CA10: variants seen among roughly 807,000 people sequenced by gnomAD.
CA10 encodes the protein carbonic anhydrase-related protein 10.
A neutral mutation model predicts 44.2 loss-of-function variants in CA10; 14 were observed. That is an observed-to-expected ratio of 0.32 (90% CI 0.21 to 0.50). The LOEUF (loss-of-function observed/expected upper bound fraction) is 0.50, where lower values mean the gene tolerates loss of function less well. CA10 is among the 20% of genes least tolerant of loss of function. CA10 has a pLI of 0.99. For synonymous variants in CA10, 159 were observed against 141.6 expected (o/e 1.12, Z -0.87); for missense variants, 350 against 409.7 (o/e 0.85, Z 1.26).
At chr17:51,741,656 C>T (rs1003290) in intron 4 of CA10, among the ~76,000 whole-genome samples, 103,561 of 152,104 alleles carry the variant, frequency 0.68, 35,402 homozygotes, top group Admixed American at 0.76. Context: ...CACTTAAGCA[C>T]TGACTGTATG....
At chr17:51,782,847 G>A (rs1442719861) in intron 3 of CA10, among the ~76,000 whole-genome samples, 3 of 152,176 alleles carry the variant, frequency 2.0e-5, no homozygotes, top group Admixed American at 1.3e-4. Context: ...CCCAGCAGTG[G>A]TAGAGCAGTG....
intron 1 of CA10, among the ~76,000 whole-genome samples, chr17:52,144,025 G>A (rs1989534782): frequency 6.6e-6 from 1 of 152,130 alleles, no homozygotes. Context: ...CTCAGGAATA[G>A]CTCAGCATTT....
At chr17:51,714,586 A>G (rs1177764494) in intron 4 of CA10, among the ~76,000 whole-genome samples, 1 of 152,196 alleles carries the variant, frequency 6.6e-6, no homozygotes, top group Non-Finnish European at 1.5e-5. Context: ...GGGTGGGTAG[A>G]GACACACTGG....
chr17:51,731,438 C>CT (rs796849558), intron 4 of CA10, among the ~76,000 whole-genome samples: 11 of 152,154 alleles, frequency 7.2e-5, no homozygotes, highest in African/African-American at 2.6e-4. Flanking sequence ...ATAAACAATT[C>CT]TTTTTGCTCT....
At chr17:51,754,412 T>G (rs1305122234) in intron 3 of CA10, among the ~76,000 whole-genome samples, 30 of 58,136 alleles carry the variant, frequency 5.2e-4, no homozygotes, top group Non-Finnish European at 8.9e-4. Context: ...TATATATATA[T>G]ATATATATAT....
intron 4 of CA10, among the ~76,000 whole-genome samples, chr17:51,684,363 C>A (rs756291211): frequency 6.6e-6 from 1 of 152,172 alleles, no homozygotes; most frequent in African/African-American, 2.4e-5. Flanking sequence ...TGAGCCACTA[C>A]GTTTGTGGTA....
intron 3 of CA10, among the ~76,000 whole-genome samples, chr17:51,854,996 G>A (rs1261051162): frequency 6.6e-6 from 1 of 152,144 alleles, no homozygotes; most frequent in Non-Finnish European, 1.5e-5. Context: ...GTGCTCTGAT[G>A]CTGCCCCTCT....
intron 3 of CA10, among the ~76,000 whole-genome samples, chr17:51,822,764 G>C (rs2143767164): frequency 6.6e-6 from 1 of 152,264 alleles, no homozygotes; most frequent in African/African-American, 2.4e-5. Flanking sequence ...ATCTGCTCTA[G>C]GTTTTGAAGA....
chr17:51,657,865 G>A (rs1385178326), intron 4 of CA10, among the ~76,000 whole-genome samples: 1 of 152,186 alleles, frequency 6.6e-6, no homozygotes, highest in East Asian at 1.9e-4. Context: ...ATGATGACAT[G>A]CTAATTAAAC....
chr17:51,832,276 G>C (rs1908311434), intron 3 of CA10, among the ~76,000 whole-genome samples: 1 of 152,180 alleles, frequency 6.6e-6, no homozygotes, highest in African/African-American at 2.4e-5. Context: ...AACTATTTTA[G>C]AAGGAGGAGG....
At chr17:51,884,676 G>A (rs544491094) in intron 3 of CA10, among the ~76,000 whole-genome samples, 1 of 150,598 alleles carries the variant, frequency 6.6e-6, no homozygotes, top group Admixed American at 6.6e-5. Context: ...TTACAAATTA[G>A]CACAAACTGG....
chr17:52,053,818 C>T (rs2143059224), intron 2 of CA10, among the ~76,000 whole-genome samples: 1 of 152,146 alleles, frequency 6.6e-6, no homozygotes, highest in South Asian at 2.1e-4. Context: ...TTTCTCATGC[C>T]CATCTTTACT....
intron 7 of CA10, 97 bp downstream of exon 7, chr17:51,635,758 G>T (rs1200358245): frequency 1.9e-5 from 17 of 912,200 alleles, no homozygotes; most frequent in Non-Finnish European, 2.8e-5. Context: ...TTGTTATAGT[G>T]GTCCTAGTAA....
chr17:51,975,254 A>T (rs1754243319), intron 2 of CA10, among the ~76,000 whole-genome samples: 1 of 152,240 alleles, frequency 6.6e-6, no homozygotes, highest in African/African-American at 2.4e-5. Context: ...AAATGAAATA[A>T]CAAAGAGAAA....
intron 1 of CA10, among the ~76,000 whole-genome samples, chr17:52,153,959 C>T (rs1222716151): frequency 2.0e-5 from 3 of 152,098 alleles, no homozygotes; most frequent in Non-Finnish European, 4.4e-5. Context: ...ATTAGGAAAA[C>T]AGTGTAGGAA....
intron 4 of CA10, among the ~76,000 whole-genome samples, chr17:51,679,298 C>T (rs1449603825): frequency 1.3e-5 from 2 of 148,332 alleles, no homozygotes; most frequent in East Asian, 2.0e-4. Flanking sequence ...CTCGCTCTGT[C>T]ACCCAGGCTG....
intron 4 of CA10, among the ~76,000 whole-genome samples, chr17:51,656,377 T>C (rs991620569): frequency 2.0e-5 from 3 of 152,184 alleles, no homozygotes; most frequent in African/African-American, 7.2e-5. Context: ...AGTACAGGGC[T>C]GAGGCTGTGC....
chr17:51,846,273 A>G (rs1978488674), intron 3 of CA10, among the ~76,000 whole-genome samples: 3 of 152,242 alleles, frequency 2.0e-5, no homozygotes, highest in African/African-American at 7.2e-5. Flanking sequence ...CCAATGTTGA[A>G]GAAGGAAAGG....
intron 4 of CA10, among the ~76,000 whole-genome samples, chr17:51,689,256 G>A (rs1915107893): frequency 6.6e-6 from 1 of 152,174 alleles, no homozygotes; most frequent in African/African-American, 2.4e-5. Flanking sequence ...TTACAAAGCA[G>A]AGATTTTAAA....
Sources: gnomAD v4.1 joint callset for allele counts (sites outside exome capture counted in the v4.1 genomes callset) on GRCh38, gnomAD v4.1.1 for gene constraint, MANE v1.5 for transcripts, NCBI Gene and HGNC (gene_info 2026-07-23, HGNC 2026-07-21) for gene names.